KNTC1: variants seen among roughly 807,000 people sequenced by gnomAD.
KNTC1 encodes kinetochore associated 1, also known as kinetochore-associated protein 1.
In KNTC1, 253 loss-of-function variants were observed where a neutral mutation model predicts 314.4. The observed-to-expected ratio is 0.80, with a 90% CI of 0.73 to 0.89. The LOEUF (loss-of-function observed/expected upper bound fraction) is 0.89. Ranked by LOEUF, KNTC1 falls within the 40% of genes least tolerant of loss-of-function variation. The pLI, the probability that KNTC1 is intolerant of heterozygous loss-of-function variation, is 0.00. For missense variants in KNTC1, 2,475 were observed against 2,572.9 expected, an observed-to-expected ratio of 0.96 and a Z score of 0.82; for synonymous variants, 901 against 901.4, an observed-to-expected ratio of 1.00 and a Z score of 0.01.
Position 122,603,252 on chromosome 12 carries a change from T to A in KNTC1, c.5101+9T>A. 3 of 1,512,220 alleles carry A rather than the reference T, an allele frequency of 2.0e-6. No homozygotes were observed. The highest frequency in any genetic ancestry group is 2.7e-6 in the Non-Finnish European group (3 of 1,119,560). The allele number at this position is 1,512,220 out of a possible 1,614,324, so 93.7% of individuals were successfully genotyped here. A position where few individuals can be genotyped will look rare whatever the true frequency, so the allele number is the denominator to read the frequency against. On this transcript the variant is annotated intron_variant, in intron 48 of 63. Transcript: ENST00000333479. ...CCAGGATATCCCTGAAGGTATGAGC[T>A]CTTCTTTTAAAATTGTAGTTAAAAA...
chr12:122,592,444 C>T (rs1187225744), intron 42 of KNTC1, among the ~76,000 whole-genome samples: 1 of 152,240 alleles, frequency 6.6e-6, no homozygotes, highest in African/African-American at 2.4e-5. Context: ...GCTCCACCTG[C>T]AGCCCTTGGT....
intron 12 of KNTC1, among the ~76,000 whole-genome samples, chr12:122,548,564 A>G (rs538286238): frequency 2.9e-4 from 44 of 152,268 alleles, no homozygotes; most frequent in African/African-American, 9.9e-4. Context: ...GAGGAATTAC[A>G]TTTCACCTTA....
Position 122,574,379 on chromosome 12 carries a change from A to T in KNTC1, c.2381A>T (p.Asp794Val). 1 of 1,565,270 alleles carries T rather than the reference A, an allele frequency of 6.4e-7. No individual in the cohort carries two copies. Among genetic ancestry groups the T allele is most frequent in the Non-Finnish European group, 8.8e-7 (1 of 1,142,820 alleles). The change falls in exon 27 of 64, where the codon GAC (aspartate) becomes GTC (valine). Residue 794 changes from aspartate to valine, a missense_variant and splice_region_variant. Physicochemically the swap from Asp to Val is radical, Grantham distance 152. Coordinates refer to ENST00000333479, the MANE Select transcript of KNTC1 (RefSeq NM_014708.6). ...MAVIACLSDT[D>V]LIFDAVLKIM... ...GTAATAGCGTGTTTATCTGACACGG[A>T]CGTAAGTAAATAGTGACCATTTGCG...
chr12:122,589,590 A>G (rs1379338179), intron 40 of KNTC1, among the ~76,000 whole-genome samples: 1 of 150,910 alleles, frequency 6.6e-6, no homozygotes, highest in Non-Finnish European at 1.5e-5. Context: ...CCTGCTGCTC[A>G]GCCTCCTGAG....
chr12:122,620,537 G>C lies in KNTC1; in HGVS notation c.6208G>C (p.Glu2070Gln). 6.2e-7 allele frequency: 1 copy of C among 1,613,582 alleles called. No individual in the cohort carries two copies. Among genetic ancestry groups the C allele is most frequent in the Non-Finnish European group, 8.5e-7 (1 of 1,179,668 alleles). Residue 2070 changes from glutamate to glutamine, a missense_variant, in exon 60 of 64, where the codon GAA (glutamate) becomes CAA (glutamine). Transcript: ENST00000333479. The part of the protein sequence containing the change: ...IGVARQYIQL[E>Q]LPAFALACLM... ...AGTCGCCAGGCAGTATATCCAGTTAGAACTTCCGGCTTTTGCATTAGCTTG... is the reference window on the plus strand; with the variant it reads ...AGTCGCCAGGCAGTATATCCAGTTACAACTTCCGGCTTTTGCATTAGCTTG...
At chr12:122,569,594 A>G in intron 21 of KNTC1, 87 bp from the exon 22 acceptor site, 1 of 1,204,510 alleles carries the variant, frequency 8.3e-7, no homozygotes, top group Non-Finnish European at 1.2e-6. Context: ...ACTCCTTAAA[A>G]TGACTTCCTA....
intron 62 of KNTC1, among the ~76,000 whole-genome samples, chr12:122,623,324 C>A (rs1296041079): frequency 1.3e-5 from 2 of 152,026 alleles, no homozygotes; most frequent in South Asian, 2.1e-4. Context: ...GGAAACTGAA[C>A]GGGAGAAGGA....
chr12:122,541,261 T>TTGCCTGCCTGCCTGCCTGCCTGCCTGCC (rs201311150), intron 5 of KNTC1, among the ~76,000 whole-genome samples: 20 of 137,356 alleles, frequency 1.5e-4, no homozygotes, highest in African/African-American at 5.8e-4. Flanking sequence ...TTGTTTGTGC[T>TTGCCTGCCTGCCTGCCTGCCTGCCTGCC]TGCCTGCCTG....
In KNTC1 at chr12:122,543,645, A is replaced by C; in HGVS notation, c.558+11A>C. 6.6e-7 allele frequency: 1 copy of C among 1,521,034 alleles called. No homozygotes were observed. Among genetic ancestry groups the C allele is most frequent in the Non-Finnish European group, 8.9e-7 (1 of 1,120,210 alleles). The allele number at this position is 1,521,034 out of a possible 1,614,324, so 94.2% of individuals were successfully genotyped here. ...AGTACAGCAAAAAAGGTAAGAAAAT[A>C]AATCCATATTGTCCTCTTAAAAAAA... is the stretch of plus-strand genomic sequence containing the variant. On this transcript the variant is annotated intron_variant, in intron 7 of 63. Transcript: ENST00000333479.
intron 3 of KNTC1, among the ~76,000 whole-genome samples, chr12:122,535,461 T>C (rs921092085): frequency 6.6e-6 from 1 of 152,094 alleles, no homozygotes; most frequent in Non-Finnish European, 1.5e-5. Context: ...GGCAACATGG[T>C]GAAATCCCGT....
chr12:122,547,886 A>G, intron 11 of KNTC1, 29 bp from the exon 12 acceptor site: 1 of 1,332,418 alleles, frequency 7.5e-7, no homozygotes. Flanking sequence ...AGTTTACTTG[A>G]ATTATTTAAA....
At chr12:122,583,481 A>G (rs1868742115) in intron 34 of KNTC1, among the ~76,000 whole-genome samples, 1 of 152,168 alleles carries the variant, frequency 6.6e-6, no homozygotes, top group Admixed American at 6.5e-5. Flanking sequence ...ATAACCATTA[A>G]ATTTAGGTTA....
At chr12:122,551,720 T>C in intron 16 of KNTC1, 24 bp downstream of exon 16, 1 of 1,562,888 alleles carries the variant, frequency 6.4e-7, no homozygotes, top group Non-Finnish European at 8.8e-7. Flanking sequence ...TATTCATTTG[T>C]TCACCAAACA....
At chr12:122,539,523 T>G (rs1962117243) in intron 4 of KNTC1, among the ~76,000 whole-genome samples, 153 bp from the exon 5 acceptor site, 1 of 152,168 alleles carries the variant, frequency 6.6e-6, no homozygotes, top group African/African-American at 2.4e-5. Context: ...AGTACACTTG[T>G]CCAAAATAGT....
At chr12:122,575,762 A>T (rs997141782) in intron 28 of KNTC1, 38 bp from the exon 29 acceptor site, 28 of 1,569,348 alleles carry the variant, frequency 1.8e-5, no homozygotes, top group Non-Finnish European at 2.4e-5. Context: ...CTTCATAAAA[A>T]AGACAATCCA....
chr12:122,604,466 A>AT (rs1872354074), intron 48 of KNTC1, 98 bp from the exon 49 acceptor site: 1 of 659,784 alleles, frequency 1.5e-6, no homozygotes, highest in African/African-American at 1.8e-5. Context: ...CATTTTTGTA[A>AT]TTTTTAAAAA....
Position 122,626,282 on chromosome 12 carries a change from G to T in KNTC1, c.*54G>T. 8.2e-7 allele frequency: 1 copy of T among 1,224,970 alleles called. No individual in the cohort carries two copies. Among genetic ancestry groups the T allele is most frequent in the East Asian group, 2.4e-5 (1 of 42,356 alleles). The allele number at this position is 1,224,970 out of a possible 1,614,324, so 75.9% of individuals were successfully genotyped here. ...AAGAATTTTGGAGTCTGCTATTAAT[G>T]GACCATATTTATTACAGTTTTTAAA... On this transcript the variant is annotated 3_prime_UTR_variant, in exon 64 of 64. Coordinates refer to ENST00000333479, the MANE Select transcript of KNTC1 (RefSeq NM_014708.6).
chr12:122,550,243 C>T lies in KNTC1; in HGVS notation c.1086+379C>T, dbSNP rs373653909. ...TGTTTAATTTCTTTTTACACACACA[C>T]TGTAGTTTTCCACATTTTGGAAATT... On this transcript the variant is annotated intron_variant, in intron 13 of 63. Coordinates refer to ENST00000333479, the MANE Select transcript of KNTC1 (RefSeq NM_014708.6). Among the ~76,000 whole-genome samples, 5 of 152,106 alleles carry T rather than the reference C, an allele frequency of 3.3e-5. No individual in the cohort carries two copies. The South Asian group carries it at 1.0e-3, about 32-fold the overall frequency.
At chr12:122,556,353 T>C (rs947424661) in intron 16 of KNTC1, among the ~76,000 whole-genome samples, 3 of 151,992 alleles carry the variant, frequency 2.0e-5, no homozygotes, top group African/African-American at 7.3e-5. Context: ...TATTACTAAC[T>C]ACAGTCATCA....
Sources: allele counts gnomAD v4.1 joint callset (sites outside exome capture counted in the v4.1 genomes callset), GRCh38; gene constraint gnomAD v4.1.1; transcripts MANE v1.5; gene names NCBI Gene and HGNC (gene_info 2026-07-23, HGNC 2026-07-21).